Variants in PCNT observed in about 807,000 individuals in gnomAD.
PCNT encodes pericentrin.
Under a neutral mutation model 380.4 loss-of-function variants are expected in PCNT, and 319 were observed. The ratio of observed to expected loss-of-function variants is 0.84; its 90% confidence interval spans 0.77 to 0.92. The LOEUF is 0.92. Among genes scored for constraint, PCNT ranks in the 40% least tolerant of loss-of-function variants. PCNT has a pLI of 0.00. For missense variants in PCNT, 4,400 were observed against 4,255.3 expected, an observed-to-expected ratio of 1.03 and a Z score of -0.95; for synonymous variants, 1,845 against 1,735.2, an observed-to-expected ratio of 1.06 and a Z score of -1.57.
chr21:46,381,479 T>A (rs1312240443), intron 15 of PCNT, among the ~76,000 whole-genome samples: 1 of 152,120 alleles, frequency 6.6e-6, no homozygotes, highest in Non-Finnish European at 1.5e-5. Context: ...TTGTGTCTCC[T>A]TAAGTGTTTT....
chr21:46,416,820 ATGTG>A lies in PCNT; in HGVS notation c.6903_6906del (p.Val2302ArgfsTer23). 6.3e-7 allele frequency: 1 copy of A among 1,598,318 alleles called. No individual in the cohort carries two copies. Among genetic ancestry groups the A allele is most frequent in the Non-Finnish European group, 8.5e-7 (1 of 1,179,658 alleles). On this transcript the variant is annotated frameshift_variant, in exon 30 of 47. Transcript: ENST00000359568. LOFTEE classifies it high-confidence loss of function. ...GAGTCTCCGCCGGCTGACGACCACC[ATGTG>A]CAGAGGACGGCTGTGGTAGGTGCCT...
chr21:46,386,400 T>G (rs989559976), intron 17 of PCNT, among the ~76,000 whole-genome samples: 1 of 152,256 alleles, frequency 6.6e-6, no homozygotes, highest in Non-Finnish European at 1.5e-5. Context: ...TCGTGCCTCA[T>G]GCATCTCTCT....
chr21:46,324,362 C>A, intron 1 of PCNT, 80 bp downstream of exon 1: 1 of 1,212,740 alleles, frequency 8.2e-7, no homozygotes, highest in Non-Finnish European at 1.2e-6. Flanking sequence ...CCGCCCCCTG[C>A]CAGGAGAGGA....
chr21:46,381,575 G>GCCACA lies in PCNT; in HGVS notation c.3166-118_3166-117insCACAC, dbSNP rs1295392114. On this transcript the variant is annotated intron_variant, in intron 15 of 46. Transcript: ENST00000359568. The stretch of plus-strand genomic sequence containing the variant: ...GGGGGCTGTGGTCTGGCTCATCCCG[G>GCCACA]CTCTTGGTGCAGAGTGGGGGCTCCA... 4 of 917,332 alleles carry GCCACA rather than the reference G, an allele frequency of 4.4e-6. No homozygotes were observed. In the East Asian group the frequency reaches 7.2e-5, roughly 17 times the overall value. The allele number at this position is 917,332 out of a possible 1,614,324, so 56.8% of individuals were successfully genotyped here.
intron 36 of PCNT, 136 bp downstream of exon 36, chr21:46,430,368 T>G: frequency 7.1e-7 from 1 of 1,404,486 alleles, no homozygotes; most frequent in Non-Finnish European, 9.8e-7. Context: ...CTGCTGTCCC[T>G]GGGTTGATAA....
rs1569290403 is a variant in PCNT, at chr21:46,425,639, G to A, written c.7180-192G>A. Among the ~76,000 whole-genome samples, 1 of 152,192 alleles carries A rather than the reference G, an allele frequency of 6.6e-6. No individual in the cohort carries two copies. The highest frequency in any genetic ancestry group is 1.5e-5 in the Non-Finnish European group (1 of 68,024). ...TTCCGTGTTGTCTCTCTGAAGGTCG[G>A]GAGAGGTGGGCTTGAAAACCTTGTA... On this transcript the variant is annotated intron_variant, in intron 32 of 46. Coordinates refer to ENST00000359568, the MANE Select transcript of PCNT (RefSeq NM_006031.6). This position sits in a 1 kb window ranked among gnomAD's most constrained non-coding sequence, Gnocchi z 4.2.
chr21:46,395,844 T>C (rs1308852168), intron 21 of PCNT, among the ~76,000 whole-genome samples: 1 of 151,408 alleles, frequency 6.6e-6, no homozygotes, highest in Non-Finnish European at 1.5e-5. Flanking sequence ...ACTTCAGGAC[T>C]CGGCAGCAGA....
chr21:46,368,782 A>G (rs1431741468), intron 15 of PCNT, among the ~76,000 whole-genome samples: 1 of 152,254 alleles, frequency 6.6e-6, no homozygotes, highest in African/African-American at 2.4e-5. Flanking sequence ...CTGATGAGGC[A>G]GTTAGAAATG....
chr21:46,368,405 A>C (rs1286409025), intron 15 of PCNT, among the ~76,000 whole-genome samples: 1 of 151,736 alleles, frequency 6.6e-6, no homozygotes, highest in Non-Finnish European at 1.5e-5. Flanking sequence ...CCGAGATCGC[A>C]CCAGTGCACT....
intron 14 of PCNT, among the ~76,000 whole-genome samples, chr21:46,364,182 G>C (rs145222569): frequency 1.3e-5 from 2 of 151,758 alleles, no homozygotes; most frequent in East Asian, 3.9e-4. Context: ...CTTTGTGCTC[G>C]GACAGGCAGG....
Position 46,353,158 on chromosome 21 carries a change from T to G in PCNT, c.1511T>G (p.Leu504Arg). Residue 504 changes from leucine to arginine, a missense_variant, in exon 10 of 47, where the codon CTG becomes CGG. Physicochemically the swap from Leu to Arg is moderately radical, Grantham distance 102. Transcript: ENST00000359568. Reference sequence around the variant, plus strand: ...TCTCGTGTGGAAGATTTAGAACAGCTGAAGCAGCGAGAAAAAACCCAGCAT... The same window carrying G: ...TCTCGTGTGGAAGATTTAGAACAGCGGAAGCAGCGAGAAAAAACCCAGCAT... ...RTSRVEDLEQ[L>R]KQREKTQHES... 1.2e-6 allele frequency: 2 copies of G among 1,614,056 alleles called. No homozygotes were observed. Among genetic ancestry groups the G allele is most frequent in the Non-Finnish European group, 8.5e-7 (1 of 1,180,036 alleles).
At chr21:46,372,403 C>T (rs1210892082) in intron 15 of PCNT, among the ~76,000 whole-genome samples, 5 of 151,928 alleles carry the variant, frequency 3.3e-5, no homozygotes, top group Non-Finnish European at 1.5e-5. Flanking sequence ...AGCACATGCA[C>T]ACATACACAG....
intron 15 of PCNT, among the ~76,000 whole-genome samples, chr21:46,369,796 G>T (rs2839230): frequency 0.28 from 43,015 of 151,950 alleles, 6,354 homozygotes; most frequent in East Asian, 0.45. Flanking sequence ...TGCAATCAGA[G>T]ACGCCTGCTG....
chr21:46,382,034 CATTCAATGGCGGAAGCGCATTCACCAT>C (rs1434132214), intron 16 of PCNT, among the ~76,000 whole-genome samples, 194 bp downstream of exon 16: 5,486 of 137,296 alleles, frequency 0.04, 448 homozygotes, highest in East Asian at 0.067. Context: ...CGGTGTTGTG[CATTCAATGGCGGAAGCGCATTCACCAT>C]GTTGTATATT....
Position 46,443,854 on chromosome 21 carries a change from T to TC in PCNT, c.9752dup (p.Thr3252AsnfsTer84), listed in dbSNP as rs761527377. 50 of 1,609,558 alleles carry TC rather than the reference T, an allele frequency of 3.1e-5. No individual in the cohort carries two copies. Among genetic ancestry groups the TC allele is most frequent in the Middle Eastern group, 1.8e-4 (1 of 5,442 alleles). On this transcript the variant is annotated frameshift_variant, in exon 45 of 47. Coordinates refer to ENST00000359568, the MANE Select transcript of PCNT (RefSeq NM_006031.6). LOFTEE classifies it high-confidence loss of function. ...GCAGTCTCCACCCAGAACCAGAGAG[T>TC]CCCCCCCAACCCGGGATGTACCCTC...
At position 46,416,274 on chromosome 21, in the gene PCNT, A is replaced by G; in HGVS notation, c.6356A>G (p.Glu2119Gly). Residue 2119 changes from glutamate to glycine, a missense_variant, in exon 30 of 47, where the codon GAG (glutamate) becomes GGG (glycine). By Grantham distance (98) the Glu-to-Gly change is moderately conservative. Coordinates refer to ENST00000359568, the MANE Select transcript of PCNT (RefSeq NM_006031.6). ...AGTGATGATTCCTGTGACGGAGAAG[A>G]GCCTGACATATCACCCCACATAGAC... ...SWSDDSCDGE[E>G]PDISPHIDTC... 1 of 1,614,152 alleles carries G rather than the reference A, an allele frequency of 6.2e-7. No individual in the cohort carries two copies. The highest frequency in any genetic ancestry group is 8.5e-7 in the Non-Finnish European group (1 of 1,180,030).
chr21:46,430,244 C>T lies in PCNT; in HGVS notation c.7913+12C>T. 1.2e-6 allele frequency: 2 copies of T among 1,606,070 alleles called. No individual in the cohort carries two copies. The highest frequency in any genetic ancestry group is 2.7e-5 in the African/African-American group (2 of 74,822). On this transcript the variant is annotated intron_variant, in intron 36 of 46. Transcript: ENST00000359568. ...GTCCTCCAGCTGAGGTGCGCCTGAT[C>T]CCCCTTCCTGGGACACTGGCGGGAG...
chr21:46,335,067 G>A (rs1418569394), intron 3 of PCNT, among the ~76,000 whole-genome samples: 3 of 152,196 alleles, frequency 2.0e-5, no homozygotes, highest in Non-Finnish European at 4.4e-5. Flanking sequence ...TTGAAGAGAA[G>A]CCACCCTTCA....
chr21:46,339,105 A>C (rs1357054015), intron 3 of PCNT, among the ~76,000 whole-genome samples: 1 of 151,534 alleles, frequency 6.6e-6, no homozygotes, highest in African/African-American at 2.4e-5. Context: ...TTTAGTAGGG[A>C]TAGTTTTACC....
Sources: allele counts gnomAD v4.1 joint callset (sites outside exome capture counted in the v4.1 genomes callset), GRCh38; gene constraint gnomAD v4.1.1; non-coding constraint Gnocchi (gnomAD v3.1); transcripts MANE v1.5; gene names NCBI Gene and HGNC (gene_info 2026-07-23, HGNC 2026-07-21).